Variants in TSPAN9 observed in about 807,000 individuals in gnomAD.
TSPAN9 encodes the protein tetraspanin 9.
Under a neutral mutation model 31.0 loss-of-function variants are expected in TSPAN9, and 16 were observed. The observed-to-expected ratio is 0.52, with a 90% CI of 0.35 to 0.78. The LOEUF (loss-of-function observed/expected upper bound fraction) is 0.78, where lower values mean the gene tolerates loss of function less well. Among genes scored for constraint, TSPAN9 ranks in the 30% least tolerant of loss-of-function variants. The pLI is 0.01. For synonymous variants in TSPAN9, 145 were observed against 121.6 expected (o/e 1.19, Z -1.27); for missense variants, 272 against 312.5 (o/e 0.87, Z 0.98).
intron 3 of TSPAN9, among the ~76,000 whole-genome samples, chr12:3,243,058 G>T (rs571661181): frequency 4.3e-4 from 66 of 152,330 alleles, no homozygotes; most frequent in Non-Finnish European, 7.8e-4. Context: ...TGGTACATTT[G>T]GAGGGATGAA....
chr12:3,134,664 TG>T (rs1055865174), intron 2 of TSPAN9, among the ~76,000 whole-genome samples: 1 of 152,152 alleles, frequency 6.6e-6, no homozygotes. Context: ...GATGGCTGTT[TG>T]GGGCGCCCAA....
At chr12:3,223,272 A>C (rs2098385485) in intron 3 of TSPAN9, among the ~76,000 whole-genome samples, 1 of 152,200 alleles carries the variant, frequency 6.6e-6, no homozygotes, top group Non-Finnish European at 1.5e-5. Flanking sequence ...AATTACAGTG[A>C]AATTCTGTGC....
chr12:3,184,455 A>G (rs1304347603), intron 2 of TSPAN9, among the ~76,000 whole-genome samples: 5 of 151,910 alleles, frequency 3.3e-5, no homozygotes, highest in African/African-American at 1.2e-4. Context: ...GAGAAAGAGA[A>G]AGAGAAAAAA....
chr12:3,134,780 A>AGGGGCTAGCTCTGCT (rs1430068715), intron 2 of TSPAN9, among the ~76,000 whole-genome samples: 1 of 152,200 alleles, frequency 6.6e-6, no homozygotes, highest in Non-Finnish European at 1.5e-5. Flanking sequence ...AGCTGAGAGC[A>AGGGGCTAGCTCTGCT]GGGGCTAGCT....
chr12:3,260,127 C>CT (rs1565635813), intron 3 of TSPAN9, among the ~76,000 whole-genome samples: 1 of 152,236 alleles, frequency 6.6e-6, no homozygotes, highest in Non-Finnish European at 1.5e-5. Context: ...GCTGGAGCTC[C>CT]CAGGCAGGGC....
chr12:3,154,858 A>G (rs1217346216), intron 2 of TSPAN9, among the ~76,000 whole-genome samples: 2 of 152,162 alleles, frequency 1.3e-5, no homozygotes, highest in South Asian at 2.1e-4. Flanking sequence ...TCATCACTAC[A>G]TGGCATTAGG....
Position 3,147,622 on chromosome 12 carries a change from T to C in TSPAN9, c.-17-53555T>C, listed in dbSNP as rs1591648221. Among the ~76,000 whole-genome samples the C allele has an allele frequency of 6.6e-6, 1 of 152,344 alleles. No individual in the cohort carries two copies. The highest frequency in any genetic ancestry group is 1.9e-4 in the East Asian group (1 of 5,174). On this transcript the variant is annotated intron_variant, in intron 2 of 8. Transcript: ENST00000011898. The surrounding 1 kb of genome is among the most constrained non-coding windows in gnomAD (Gnocchi z 4.3). ...TTCTGTTCTGTACCGCCCAGTACAG[T>C]AGCCACCGGCTACATGTGGCCGTTG...
chr12:3,196,272 G>C (rs2098367041), intron 2 of TSPAN9, among the ~76,000 whole-genome samples: 1 of 152,210 alleles, frequency 6.6e-6, no homozygotes, highest in Non-Finnish European at 1.5e-5. Flanking sequence ...GCCTGTGTCA[G>C]GTAACTCAAG....
At chr12:3,128,966 C>T (rs1278441122) in intron 2 of TSPAN9, among the ~76,000 whole-genome samples, 1 of 152,194 alleles carries the variant, frequency 6.6e-6, no homozygotes, top group Non-Finnish European at 1.5e-5. Context: ...CATCCATTTT[C>T]TGGCTATGAA....
chr12:3,248,877 C>T (rs768560009), intron 3 of TSPAN9, among the ~76,000 whole-genome samples: 10 of 152,170 alleles, frequency 6.6e-5, no homozygotes, highest in East Asian at 5.8e-4. Context: ...TCCTCTGGTT[C>T]GGTAATGGAT....
chr12:3,174,811 T>A (rs1433222153), intron 2 of TSPAN9, among the ~76,000 whole-genome samples: 1 of 150,438 alleles, frequency 6.6e-6, no homozygotes, highest in Admixed American at 6.6e-5. Flanking sequence ...CTCGATCTCC[T>A]GACCTCGTGA....
chr12:3,267,242 T>C (rs1049703635), intron 3 of TSPAN9, among the ~76,000 whole-genome samples: 3 of 152,232 alleles, frequency 2.0e-5, no homozygotes, highest in Non-Finnish European at 2.9e-5. Flanking sequence ...TGTCCTGTTC[T>C]CCCTGCATTT....
At chr12:3,191,297 C>T (rs1172677235) in intron 2 of TSPAN9, among the ~76,000 whole-genome samples, 3 of 152,136 alleles carry the variant, frequency 2.0e-5, no homozygotes, top group African/African-American at 7.2e-5. Flanking sequence ...TTTCAGGCTC[C>T]CTTTCTGCAA....
chr12:3,190,644 AGCCCCGTTCTTCTAGG>A (rs1325181694), intron 2 of TSPAN9, among the ~76,000 whole-genome samples: 6 of 152,218 alleles, frequency 3.9e-5, no homozygotes, highest in Admixed American at 2.0e-4. Flanking sequence ...GCAGACTATC[AGCCCCGTTCTTCTAGG>A]GCCCAATCTC....
intron 3 of TSPAN9, among the ~76,000 whole-genome samples, chr12:3,226,765 TATATATATATATATATATA>T (rs2098387802): frequency 8.7e-4 from 3 of 3,436 alleles, no homozygotes; most frequent in Admixed American, 4.4e-3. Context: ...TATATATATA[TATATATATATATATATATA>T]TATATATATA....
chr12:3,132,001 C>T (rs539253080), intron 2 of TSPAN9, among the ~76,000 whole-genome samples: 1 of 152,270 alleles, frequency 6.6e-6, no homozygotes, highest in South Asian at 2.1e-4. Flanking sequence ...CTGGACATTT[C>T]GTGTAAATAG....
chr12:3,128,289 T>A (rs532611301), intron 2 of TSPAN9, among the ~76,000 whole-genome samples: 64 of 152,322 alleles, frequency 4.2e-4, no homozygotes, highest in Non-Finnish European at 7.5e-4. Context: ...TTTCTCCAGC[T>A]CCACCTGTAG....
rs75726372 is a variant in TSPAN9 at position 3,241,403 on chromosome 12, C to T, written c.64-37018C>T. 5.9e-3 allele frequency among the ~76,000 whole-genome samples: 898 copies of T among 152,202 alleles called. 13 individuals are homozygous for T. The highest frequency in any genetic ancestry group is 0.019 in the African/African-American group (806 of 41,502). On this transcript the variant is annotated intron_variant, in intron 3 of 8. Coordinates refer to ENST00000011898, the MANE Select transcript of TSPAN9 (RefSeq NM_006675.5). ...ATGAACATACATACTGTAAAGTTTG[C>T]TCTTTTTGGTGTACAGCTGAGTTTT...
rs1179921556 is a variant in TSPAN9 at position 3,280,042 on chromosome 12, CTGTG to C, written c.331-333_331-330del. ...TGGGGGGCGGGGGTGGCAGAGTGGC[CTGTG>C]TGTGTGGCTGGTCCTGGGATGGGGG... On this transcript the variant is annotated intron_variant, in intron 5 of 8. Transcript: ENST00000011898. The surrounding 1 kb of genome is among the most constrained non-coding windows in gnomAD (Gnocchi z 4.5). Among the ~76,000 whole-genome samples, 1 of 151,598 alleles carries C rather than the reference CTGTG, an allele frequency of 6.6e-6. No homozygotes were observed. The highest frequency in any genetic ancestry group is 2.4e-5 in the African/African-American group (1 of 41,224).
Sources: allele counts gnomAD v4.1 joint callset (sites outside exome capture counted in the v4.1 genomes callset), GRCh38; gene constraint gnomAD v4.1.1; non-coding constraint Gnocchi (gnomAD v3.1); transcripts MANE v1.5; gene names NCBI Gene and HGNC (gene_info 2026-07-23, HGNC 2026-07-21).